SHISAL2A: variants seen among roughly 807,000 people sequenced by gnomAD.
The protein encoded by SHISAL2A is shisa like 2A, also known as protein shisa-like-2A.
A neutral mutation model predicts 11.5 loss-of-function variants in SHISAL2A; 18 were observed. The observed-to-expected ratio is 1.57, with a 90% CI of 1.08 to 2.33. SHISAL2A has a LOEUF of 2.33. Ranked by LOEUF, SHISAL2A falls within the 30% of genes most tolerant of loss-of-function variation. The pLI is 0.00. For synonymous variants in SHISAL2A, 94 were observed against 99.6 expected, an observed-to-expected ratio of 0.94 and a Z score of 0.34; for missense variants, 261 against 250.9, an observed-to-expected ratio of 1.04 and a Z score of -0.27.
intron 1 of SHISAL2A, among the ~76,000 whole-genome samples, chr1:52,639,302 G>C (rs929267965): frequency 6.6e-6 from 1 of 152,186 alleles, no homozygotes; most frequent in Non-Finnish European, 1.5e-5. Context: ...GTTAGTTGGT[G>C]TATCTCCATC....
chr1:52,660,523 A>T (rs1001830242), downstream of SHISAL2A, among the ~76,000 whole-genome samples: 5 of 152,210 alleles, frequency 3.3e-5, no homozygotes, highest in African/African-American at 1.2e-4. Flanking sequence ...GTTCCCAAGC[A>T]CACATCGACC....
chr1:52,666,858 T>C (rs967785484), intron 4 of SHISAL2A, among the ~76,000 whole-genome samples: 10 of 152,210 alleles, frequency 6.6e-5, no homozygotes, highest in African/African-American at 2.4e-4. Flanking sequence ...ATGGGAACTA[T>C]GTGTTTAGGA....
At chr1:52,661,077 A>G (rs1288262706), downstream of SHISAL2A, among the ~76,000 whole-genome samples, 1 of 152,198 alleles carries the variant, frequency 6.6e-6, no homozygotes, top group African/African-American at 2.4e-5. Flanking sequence ...TCAGGTAACA[A>G]TAAGTAGTTC....
intron 4 of SHISAL2A, among the ~76,000 whole-genome samples, chr1:52,664,195 C>CT (rs34583856): frequency 8.6e-4 from 124 of 144,126 alleles, no homozygotes; most frequent in South Asian, 5.2e-3. Flanking sequence ...AATTTTTATT[C>CT]TTTTTTTTTT....
rs1004249770 is a variant in SHISAL2A, at chr1:52,633,470, G to A, written c.-24G>A. 7 of 1,460,666 alleles carry A rather than the reference G, an allele frequency of 4.8e-6. No individual in the cohort carries two copies. The Admixed American group carries it at 1.4e-4, about 29-fold the overall frequency. 90.5% of individuals were successfully genotyped at this position (1,460,666 alleles called of 1,614,324 possible). ...GCCGGCCGTCTGGTGGCCCGAGGTGGCGGCGGGCTGGGCGCGGGGCGCGAT... is the reference window on the plus strand; with the variant it reads ...GCCGGCCGTCTGGTGGCCCGAGGTGACGGCGGGCTGGGCGCGGGGCGCGAT... On this transcript the variant is annotated 5_prime_UTR_variant, in exon 1 of 3. Coordinates refer to ENST00000517870, the MANE Select transcript of SHISAL2A (RefSeq NM_001042693.3). The surrounding 1 kb of genome is among the most constrained non-coding windows in gnomAD (Gnocchi z 6.4).
chr1:52,661,037 C>A (rs1195965768), downstream of SHISAL2A, among the ~76,000 whole-genome samples: 1 of 152,150 alleles, frequency 6.6e-6, no homozygotes, highest in East Asian at 1.9e-4. Flanking sequence ...TACATGAAGA[C>A]CTATGGCTAA....
At chr1:52,648,853 T>A (rs982309215) in intron 2 of SHISAL2A, among the ~76,000 whole-genome samples, 1 of 151,924 alleles carries the variant, frequency 6.6e-6, no homozygotes, top group African/African-American at 2.4e-5. Context: ...ATCCCCTAAT[T>A]CCTACTTTTC....
At chr1:52,647,891 A>G (rs1691537128) in intron 2 of SHISAL2A, among the ~76,000 whole-genome samples, 1 of 151,338 alleles carries the variant, frequency 6.6e-6, no homozygotes, top group African/African-American at 2.4e-5. Context: ...AAAAAAAATT[A>G]CATTGGCAAA....
At chr1:52,652,521 G>A (rs996001810) in intron 2 of SHISAL2A, among the ~76,000 whole-genome samples, 1 of 152,042 alleles carries the variant, frequency 6.6e-6, no homozygotes, top group Admixed American at 6.6e-5. Context: ...TCAGGAAAAG[G>A]CTAAATATGG....
At chr1:52,655,452 C>CAAA (rs11346128) in intron 2 of SHISAL2A, among the ~76,000 whole-genome samples, 11 of 40,124 alleles carry the variant, frequency 2.7e-4, no homozygotes, top group Non-Finnish European at 3.6e-4. Flanking sequence ...CCTGTATCTA[C>CAAA]AAAAAAAAAA....
At chr1:52,653,719 A>G (rs1044751654) in intron 2 of SHISAL2A, among the ~76,000 whole-genome samples, 1 of 152,138 alleles carries the variant, frequency 6.6e-6, no homozygotes, top group Non-Finnish European at 1.5e-5. Context: ...AAAACTCAAC[A>G]TAGTAAACAT....
intron 2 of SHISAL2A, among the ~76,000 whole-genome samples, chr1:52,647,045 G>A (rs1172117983): frequency 6.6e-6 from 1 of 152,034 alleles, no homozygotes. Flanking sequence ...TATTGGCCAG[G>A]CTGGTCTTGA....
At position 52,656,807 on chromosome 1, in the gene SHISAL2A, C is replaced by G. The variant is rs763348426; in HGVS notation, c.340C>G (p.Pro114Ala). 1 of 1,611,000 alleles carries G rather than the reference C, an allele frequency of 6.2e-7. No individual in the cohort carries two copies. Among genetic ancestry groups the G allele is most frequent in the Non-Finnish European group, 8.5e-7 (1 of 1,177,994 alleles). ...TTTTCCAGGCCCTGAGGAGGTTTCT[C>G]CTGACTGCCAAGGTGTGAACACAGG... ...LQTAGPEEVS[P>A]DCQGVNTGMA... The change falls in exon 3 of 3, where the codon CCT becomes GCT. Residue 114 changes from proline (P) to alanine (A), a missense_variant. Pro to Ala is a conservative substitution (Grantham distance 27, BLOSUM62 -1). Transcript: ENST00000517870.
intron 4 of SHISAL2A, among the ~76,000 whole-genome samples, chr1:52,664,739 G>A (rs1053002499): frequency 1.3e-5 from 2 of 151,940 alleles, no homozygotes; most frequent in African/African-American, 4.8e-5. Context: ...CTCGTGATCC[G>A]CCTGCCTCGG....
intron 2 of SHISAL2A, among the ~76,000 whole-genome samples, chr1:52,653,053 A>G (rs1691707325): frequency 6.8e-6 from 1 of 147,808 alleles, no homozygotes; most frequent in African/African-American, 2.5e-5. Flanking sequence ...CATCAATTGT[A>G]TTTATATATA....
intron 2 of SHISAL2A, among the ~76,000 whole-genome samples, chr1:52,645,760 T>G (rs1328772990): frequency 1.3e-5 from 2 of 152,212 alleles, no homozygotes; most frequent in African/African-American, 2.4e-5. Flanking sequence ...CCTGACTATA[T>G]GGGAGATATG....
chr1:52,645,854 G>A (rs1691489191), intron 2 of SHISAL2A, among the ~76,000 whole-genome samples: 1 of 152,158 alleles, frequency 6.6e-6, no homozygotes, highest in Non-Finnish European at 1.5e-5. Flanking sequence ...AAATAAAAAT[G>A]TTTCATGGAA....
intron 2 of SHISAL2A, among the ~76,000 whole-genome samples, chr1:52,644,094 A>G (rs1691437269): frequency 6.6e-6 from 1 of 152,242 alleles, no homozygotes; most frequent in South Asian, 2.1e-4. Flanking sequence ...AAGGTGTCAT[A>G]GCTAATAAGT....
chr1:52,651,051 G>T (rs1171421991), intron 2 of SHISAL2A, among the ~76,000 whole-genome samples: 1 of 151,564 alleles, frequency 6.6e-6, no homozygotes, highest in Non-Finnish European at 1.5e-5. Context: ...AGAGTATAAG[G>T]TCTGGAAGCA....
Sources: allele counts gnomAD v4.1 joint callset (sites outside exome capture counted in the v4.1 genomes callset), GRCh38; gene constraint gnomAD v4.1.1; non-coding constraint Gnocchi (gnomAD v3.1); transcripts MANE v1.5; gene names NCBI Gene and HGNC (gene_info 2026-07-23, HGNC 2026-07-21).